MICAL3: variants seen among roughly 807,000 people sequenced by gnomAD.
MICAL3 encodes microtubule associated monooxygenase, calponin and LIM domain containing 3, also known as [F-actin]-monooxygenase MICAL3.
MICAL3 carries 62 observed loss-of-function variants against 207.4 expected under a neutral mutation model. The observed-to-expected ratio is 0.30, with a 90% confidence interval of 0.24 to 0.37. MICAL3 has a LOEUF of 0.37. MICAL3 is among the 10% of genes least tolerant of loss of function. MICAL3 has a pLI of 1.00. For synonymous variants in MICAL3, 1,077 were observed against 1,069.3 expected (o/e 1.01, Z -0.14); for missense variants, 2,368 against 2,635.6 (o/e 0.90, Z 2.22).
chr22:17,858,388 T>G (rs1602069640), intron 19 of MICAL3: 301 of 802,304 alleles, frequency 3.8e-4, no homozygotes, highest in Non-Finnish European at 4.1e-4. Flanking sequence ...CTTGGCTGGG[T>G]GAGCTGCAAG....
intron 16 of MICAL3, chr22:17,881,056 G>C (rs886253608): frequency 8.6e-6 from 6 of 698,914 alleles, no homozygotes; most frequent in African/African-American, 1.8e-5. Context: ...CATAAAAGTT[G>C]CTTCCACCAC....
At position 17,793,884 on chromosome 22, in the gene MICAL3, G is replaced by C. The variant is rs1238893562; in HGVS notation, c.5651-2583C>G. Reference sequence around the variant, plus strand: ...AGGAGCAGGAATTTGGAAGTGGAGAGGGACAGGGAGAAGGTGGAATAAAAA... The same window carrying C: ...AGGAGCAGGAATTTGGAAGTGGAGACGGACAGGGAGAAGGTGGAATAAAAA... On this transcript the variant is annotated intron_variant, in intron 29 of 31. Transcript: ENST00000441493. The surrounding 1 kb of genome is among the most constrained non-coding windows in gnomAD (Gnocchi z 4.1). The C allele has an allele frequency of 6.6e-6, 1 of 152,042 alleles. No individual in the cohort carries two copies. Among genetic ancestry groups the C allele is most frequent in the Non-Finnish European group, 1.5e-5 (1 of 68,058 alleles). 9.4% of individuals were successfully genotyped at this position (152,042 alleles called of 1,614,324 possible).
chr22:17,997,048 G>C (rs939625920), intron 1 of MICAL3, among the ~76,000 whole-genome samples: 77 of 106,140 alleles, frequency 7.3e-4, no homozygotes, highest in Non-Finnish European at 1.1e-3. Flanking sequence ...TCCCCATCTA[G>C]TCTTTTTTTT....
At chr22:17,871,776 C>G in intron 17 of MICAL3, 61 bp downstream of exon 17, 2 of 1,486,308 alleles carry the variant, frequency 1.3e-6, no homozygotes, top group Non-Finnish European at 1.8e-6. Flanking sequence ...GCGCCCAGCT[C>G]AGATGGAAAC....
intron 19 of MICAL3, chr22:17,864,598 C>A: frequency 6.6e-7 from 1 of 1,506,882 alleles, no homozygotes; most frequent in Non-Finnish European, 8.8e-7. Flanking sequence ...TGTGATGGTG[C>A]GGGACGGGGC....
intron 1 of MICAL3, among the ~76,000 whole-genome samples, chr22:17,921,785 G>A (rs914063141): frequency 1.4e-4 from 21 of 152,044 alleles, no homozygotes; most frequent in Non-Finnish European, 2.4e-4. Flanking sequence ...CACCGCGCCC[G>A]GCTAGCTGTC....
At chr22:17,855,405 C>T (rs1434139634) in intron 19 of MICAL3, among the ~76,000 whole-genome samples, 2 of 152,112 alleles carry the variant, frequency 1.3e-5, no homozygotes, top group South Asian at 2.1e-4. Context: ...GCCTTTGAAA[C>T]GTATCAGAAA....
chr22:17,913,143 C>T (rs1932246748), intron 1 of MICAL3, among the ~76,000 whole-genome samples: 1 of 152,120 alleles, frequency 6.6e-6, no homozygotes, highest in Non-Finnish European at 1.5e-5. Flanking sequence ...GAAGCCAGCT[C>T]CTCCCCCCAC....
intron 28 of MICAL3, 100 bp from the exon 29 acceptor site, chr22:17,809,037 C>T: frequency 9.7e-7 from 1 of 1,026,426 alleles, no homozygotes. Context: ...GGAGTTGCCG[C>T]TCTGGAAAGG....
rs1486105795 is a variant in MICAL3, at chr22:17,818,407, CT to C, written c.4253del (p.Glu1418GlyfsTer20). ...CAGAGCTGCTGGACAGCTCCCTGCG[CT>C]CCTCCTGGGCGCTGCGTAGCTCTCT... ...SDRELRSAQE[E>X]RRELSSSSGL... On this transcript the variant is annotated frameshift_variant, in exon 26 of 32. Coordinates refer to ENST00000441493, the MANE Select transcript of MICAL3 (RefSeq NM_015241.3). LOFTEE classifies it high-confidence loss of function. 6.2e-7 allele frequency: 1 copy of C among 1,611,772 alleles called. No individual in the cohort carries two copies. The highest frequency in any genetic ancestry group is 8.5e-7 in the Non-Finnish European group (1 of 1,179,798).
At chr22:17,886,154 G>T in intron 15 of MICAL3, 103 bp from the exon 16 acceptor site, 1 of 1,249,882 alleles carries the variant, frequency 8.0e-7, no homozygotes, top group Non-Finnish European at 1.1e-6. Context: ...GGGGCTGGTG[G>T]ACTGGCTCAG....
intron 1 of MICAL3, among the ~76,000 whole-genome samples, chr22:17,956,817 G>A (rs959827676): frequency 2.0e-5 from 3 of 152,216 alleles, no homozygotes; most frequent in Admixed American, 6.5e-5. Context: ...AGACACTACA[G>A]AGACGAAGTC....
intron 1 of MICAL3, among the ~76,000 whole-genome samples, chr22:17,997,718 T>C (rs1922450576): frequency 6.6e-6 from 1 of 152,250 alleles, no homozygotes. Flanking sequence ...ATCACTCCCT[T>C]GACCTAGGAC....
At chr22:17,937,577 C>T (rs1299832649) in intron 1 of MICAL3, among the ~76,000 whole-genome samples, 1 of 152,196 alleles carries the variant, frequency 6.6e-6, no homozygotes, top group African/African-American at 2.4e-5. Context: ...GCAGACGAAT[C>T]GCTGGAACCC....
Position 17,882,101 on chromosome 22 carries a change from C to T in MICAL3, c.2241+3777G>A, listed in dbSNP as rs140851712. Reference sequence around the variant, plus strand: ...AGGTCTGGGGAAACAGCCCCGTACTCGCTCAGAGCTCCCATGACAATCTAC... The same window carrying T: ...AGGTCTGGGGAAACAGCCCCGTACTTGCTCAGAGCTCCCATGACAATCTAC... On this transcript the variant is annotated intron_variant, in intron 16 of 31. Coordinates refer to ENST00000441493, the MANE Select transcript of MICAL3 (RefSeq NM_015241.3). Among the ~76,000 whole-genome samples, 117 of 152,290 alleles carry T rather than the reference C, an allele frequency of 7.7e-4. No homozygotes were observed. The Middle Eastern group carries it at 0.01, about 13-fold the overall frequency.
intron 1 of MICAL3, among the ~76,000 whole-genome samples, chr22:17,999,989 G>C (rs1161901238): frequency 2.0e-5 from 3 of 152,226 alleles, no homozygotes; most frequent in African/African-American, 4.8e-5. Flanking sequence ...GAGGGCTGCA[G>C]AGATGTGCTC....
At chr22:17,808,506 C>G (rs1258306035) in intron 29 of MICAL3, among the ~76,000 whole-genome samples, 3 of 152,198 alleles carry the variant, frequency 2.0e-5, no homozygotes, top group African/African-American at 4.8e-5. Context: ...CCTTGCGGTT[C>G]AATCTCCCTC....
chr22:17,971,377 C>G (rs1156618300), intron 1 of MICAL3, among the ~76,000 whole-genome samples: 2 of 151,818 alleles, frequency 1.3e-5, no homozygotes, highest in South Asian at 2.1e-4. Flanking sequence ...CTGAGGCCTC[C>G]TCAGCCTCAG....
intron 29 of MICAL3, among the ~76,000 whole-genome samples, chr22:17,798,918 C>T (rs1310026769): frequency 6.6e-6 from 1 of 151,942 alleles, no homozygotes; most frequent in African/African-American, 2.4e-5. Flanking sequence ...TGTGATCTGC[C>T]CGCCTCGGCC....
Sources: gnomAD v4.1 joint callset for allele counts (sites outside exome capture counted in the v4.1 genomes callset) on GRCh38, gnomAD v4.1.1 for gene constraint, Gnocchi (gnomAD v3.1) non-coding constraint, MANE v1.5 for transcripts, NCBI Gene and HGNC (gene_info 2026-07-23, HGNC 2026-07-21) for gene names.